The following ANKS1B variants were observed in gnomAD, a reference collection of about 807,000 sequenced individuals.
ANKS1B encodes ankyrin repeat and sterile alpha motif domain-containing protein 1B.
ANKS1B carries 36 observed loss-of-function variants against 148.3 expected under a neutral mutation model. That is an observed-to-expected ratio of 0.24 (90% CI 0.19 to 0.32). ANKS1B has a LOEUF of 0.32. Ranked by LOEUF, ANKS1B falls within the 10% of genes least tolerant of loss-of-function variation. The probability of loss-of-function intolerance (pLI) is 1.00; values close to 1 mark genes in which losing one functional copy is unlikely to be tolerated. For synonymous variants in ANKS1B, 542 were observed against 560.8 expected, an observed-to-expected ratio of 0.97 and a Z score of 0.47; for missense variants, 1,157 against 1,542.6, an observed-to-expected ratio of 0.75 and a Z score of 4.19.
At chr12:99,287,894 T>G (rs61940242) in intron 12 of ANKS1B, among the ~76,000 whole-genome samples, 25,669 of 151,922 alleles carry the variant, frequency 0.17, 2,664 homozygotes, top group Non-Finnish European at 0.24. Context: ...TAAGAAAGAA[T>G]GAAGAATGCC....
intron 16 of ANKS1B, among the ~76,000 whole-genome samples, chr12:99,068,207 A>G (rs988720597): frequency 6.6e-6 from 1 of 152,174 alleles, no homozygotes; most frequent in South Asian, 2.1e-4. Context: ...TATACATTTG[A>G]AATACATGCA....
chr12:99,612,645 T>G (rs1445792887), intron 9 of ANKS1B, among the ~76,000 whole-genome samples: 1 of 152,120 alleles, frequency 6.6e-6, no homozygotes, highest in East Asian at 1.9e-4. Context: ...AACTTTATTT[T>G]TAGGATAAAA....
intron 17 of ANKS1B, among the ~76,000 whole-genome samples, chr12:99,021,153 C>T (rs575505950): frequency 6.6e-6 from 1 of 152,082 alleles, no homozygotes; most frequent in African/African-American, 2.4e-5. Context: ...CAACACTAGT[C>T]AGTGTCAGAG....
At chr12:98,894,997 G>A in intron 17 of ANKS1B, 1 of 800,810 alleles carries the variant, frequency 1.2e-6, no homozygotes, top group Non-Finnish European at 1.5e-6. Context: ...CGGCAGCGGC[G>A]GCGGCGGCGG....
intron 5 of ANKS1B, among the ~76,000 whole-genome samples, chr12:99,781,626 C>A (rs2064337551): frequency 6.6e-6 from 1 of 152,148 alleles, no homozygotes; most frequent in Non-Finnish European, 1.5e-5. Context: ...TCTCTGTTTA[C>A]CGTAGTCCAC....
intron 9 of ANKS1B, among the ~76,000 whole-genome samples, chr12:99,595,577 T>G (rs757510347): frequency 6.6e-6 from 1 of 151,918 alleles, no homozygotes; most frequent in African/African-American, 2.4e-5. Flanking sequence ...AAACTAATTA[T>G]GTCCAACTGA....
At chr12:99,050,240 A>AT (rs2153521910) in intron 17 of ANKS1B, among the ~76,000 whole-genome samples, 1 of 152,350 alleles carries the variant, frequency 6.6e-6, no homozygotes, top group South Asian at 2.1e-4. Context: ...AGCCAAAGGC[A>AT]TGCACACATT....
At chr12:99,065,825 G>A (rs1032120797) in intron 16 of ANKS1B, among the ~76,000 whole-genome samples, 3 of 152,222 alleles carry the variant, frequency 2.0e-5, no homozygotes, top group African/African-American at 7.2e-5. Context: ...TCTAAGTGGG[G>A]AAGACAGATA....
At chr12:99,956,938 T>C (rs936081498) in intron 1 of ANKS1B, among the ~76,000 whole-genome samples, 3 of 152,236 alleles carry the variant, frequency 2.0e-5, no homozygotes, top group African/African-American at 7.2e-5. Flanking sequence ...TTATTCATAT[T>C]GCTGCTGCAC....
At chr12:99,307,043 T>C (rs2082446978) in intron 12 of ANKS1B, among the ~76,000 whole-genome samples, 1 of 152,136 alleles carries the variant, frequency 6.6e-6, no homozygotes, top group African/African-American at 2.4e-5. Context: ...TCTGCCTTCT[T>C]CTAACTTTTG....
intron 4 of ANKS1B, among the ~76,000 whole-genome samples, chr12:99,783,635 G>A (rs2064616659): frequency 6.6e-6 from 1 of 152,140 alleles, no homozygotes; most frequent in African/African-American, 2.4e-5. Flanking sequence ...GGCACAGAAA[G>A]ATAAATACCA....
intron 26 of ANKS1B, among the ~76,000 whole-genome samples, chr12:98,749,173 G>A (rs1165600118): frequency 1.3e-5 from 2 of 151,730 alleles, no homozygotes; most frequent in African/African-American, 2.4e-5. Context: ...ATCTCTGCTC[G>A]CTGCAAGCTC....
At chr12:99,244,540 A>T in intron 13 of ANKS1B, 126 bp from the exon 14 acceptor site, 1 of 518,968 alleles carries the variant, frequency 1.9e-6, no homozygotes, top group East Asian at 3.4e-5. Context: ...CACAGTTAAG[A>T]GATGCATAGC....
At chr12:99,646,396 C>T (rs1393534901) in intron 9 of ANKS1B, among the ~76,000 whole-genome samples, 2 of 152,116 alleles carry the variant, frequency 1.3e-5, no homozygotes, top group African/African-American at 4.8e-5. Context: ...CGGTGGCTCA[C>T]ACCTGTAATC....
intron 17 of ANKS1B, among the ~76,000 whole-genome samples, chr12:98,836,359 CA>C (rs1163931710): frequency 6.6e-6 from 1 of 152,162 alleles, no homozygotes; most frequent in African/African-American, 2.4e-5. Flanking sequence ...GTGAAATACA[CA>C]TATAGACCAA....
At chr12:99,391,378 C>T (rs542016795) in intron 12 of ANKS1B, among the ~76,000 whole-genome samples, 1 of 152,244 alleles carries the variant, frequency 6.6e-6, no homozygotes, top group Non-Finnish European at 1.5e-5. Flanking sequence ...GCTGTCATTT[C>T]TCTCCTTTCT....
chr12:99,716,319 T>C (rs760612431), intron 8 of ANKS1B, among the ~76,000 whole-genome samples: 1 of 151,736 alleles, frequency 6.6e-6, no homozygotes, highest in Non-Finnish European at 1.5e-5. Context: ...CCCCAACCCC[T>C]TATTTTGGCG....
chr12:98,964,089 AC>A (rs1387058382), intron 17 of ANKS1B, among the ~76,000 whole-genome samples: 1 of 151,042 alleles, frequency 6.6e-6, no homozygotes, highest in Non-Finnish European at 1.5e-5. Flanking sequence ...CAAAAGCAAA[AC>A]TCCGCCTCAA....
intron 15 of ANKS1B, among the ~76,000 whole-genome samples, chr12:99,141,606 T>C (rs1259740557): frequency 6.6e-6 from 1 of 151,502 alleles, no homozygotes; most frequent in Admixed American, 6.6e-5. Context: ...TAGGCCCCAG[T>C]GTGTGTTGTT....
Sources: gnomAD v4.1 joint callset for allele counts (sites outside exome capture counted in the v4.1 genomes callset) on GRCh38, gnomAD v4.1.1 for gene constraint, MANE v1.5 for transcripts, NCBI Gene and HGNC (gene_info 2026-07-23, HGNC 2026-07-21) for gene names.